SUPT3H: variants seen among roughly 807,000 people sequenced by gnomAD.
SUPT3H encodes the protein transcription initiation protein SPT3 homolog.
Under a neutral mutation model 44.3 loss-of-function variants are expected in SUPT3H, and 44 were observed. That is an observed-to-expected ratio of 0.99 (90% confidence interval 0.78 to 1.28). SUPT3H has a LOEUF of 1.28. Among genes scored for constraint, SUPT3H ranks in the 50% most tolerant of loss-of-function variants. The probability of loss-of-function intolerance (pLI) is 0.00; values close to 1 mark genes in which losing one functional copy is unlikely to be tolerated. For synonymous variants in SUPT3H, 124 were observed against 125.6 expected, an observed-to-expected ratio of 0.99 and a Z score of 0.09; for missense variants, 380 against 387.1, an observed-to-expected ratio of 0.98 and a Z score of 0.15.
At chr6:45,140,020 T>G (rs1042676026) in intron 2 of SUPT3H, among the ~76,000 whole-genome samples, 9 of 152,030 alleles carry the variant, frequency 5.9e-5, no homozygotes, top group African/African-American at 1.9e-4. Context: ...TGGGGCAAGG[T>G]CTGAGCGGGG....
At chr6:45,078,826 A>T (rs1374728279) in intron 3 of SUPT3H, among the ~76,000 whole-genome samples, 1 of 152,156 alleles carries the variant, frequency 6.6e-6, no homozygotes, top group East Asian at 1.9e-4. Context: ...GTCTAATGGA[A>T]ATTCCCTTAT....
At chr6:45,280,930 T>C (rs1424874670) in intron 2 of SUPT3H, among the ~76,000 whole-genome samples, 1 of 152,164 alleles carries the variant, frequency 6.6e-6, no homozygotes, top group Non-Finnish European at 1.5e-5. Flanking sequence ...GTAATGTCCA[T>C]AAAAAACATA....
chr6:45,214,015 C>CAAAAAAAAAA (rs11418358), intron 2 of SUPT3H, among the ~76,000 whole-genome samples: 8 of 74,098 alleles, frequency 1.1e-4, no homozygotes, highest in East Asian at 4.8e-4. Context: ...TTTTGAAATG[C>CAAAAAAAAAA]AAAAAAAAAA....
intron 10 of SUPT3H, among the ~76,000 whole-genome samples, chr6:44,877,785 T>C (rs982610487): frequency 1.3e-4 from 20 of 152,200 alleles, no homozygotes; most frequent in Non-Finnish European, 2.4e-4. Context: ...ATTGTTTTCA[T>C]AGAATTCCAT....
intron 2 of SUPT3H, among the ~76,000 whole-genome samples, chr6:45,277,626 G>T (rs559520869): frequency 9.3e-4 from 142 of 152,108 alleles, no homozygotes; most frequent in African/African-American, 3.0e-3. Flanking sequence ...TACCCTATAG[G>T]GACTCAGAAG....
chr6:45,149,147 T>C (rs1029675735), intron 2 of SUPT3H, among the ~76,000 whole-genome samples: 3 of 152,180 alleles, frequency 2.0e-5, no homozygotes, highest in Non-Finnish European at 2.9e-5. Flanking sequence ...GTGACAAATA[T>C]GCATTGGTAT....
chr6:45,110,634 CAT>C (rs1799922889), intron 2 of SUPT3H, among the ~76,000 whole-genome samples: 1 of 152,048 alleles, frequency 6.6e-6, no homozygotes, highest in Admixed American at 6.5e-5. Context: ...GTTGAATCCA[CAT>C]GTGACATCTT....
At chr6:45,204,674 T>G (rs1037083032) in intron 2 of SUPT3H, among the ~76,000 whole-genome samples, 5 of 152,198 alleles carry the variant, frequency 3.3e-5, no homozygotes, top group African/African-American at 1.2e-4. Context: ...CTGAAAAATT[T>G]CCAAATCTTG....
At chr6:45,026,392 T>C (rs1786004713) in intron 3 of SUPT3H, among the ~76,000 whole-genome samples, 1 of 150,160 alleles carries the variant, frequency 6.7e-6, no homozygotes, top group Non-Finnish European at 1.5e-5. Context: ...TATGTTTCTC[T>C]TTTATTTGAA....
intron 6 of SUPT3H, among the ~76,000 whole-genome samples, chr6:44,984,337 A>C (rs1779488410): frequency 1.3e-5 from 2 of 152,196 alleles, no homozygotes; most frequent in South Asian, 4.1e-4. Context: ...AGCATAGCTC[A>C]ACAAGGAGAG....
intron 2 of SUPT3H, among the ~76,000 whole-genome samples, chr6:45,234,028 C>A (rs986653591): frequency 1.3e-5 from 2 of 152,102 alleles, no homozygotes; most frequent in Non-Finnish European, 2.9e-5. Flanking sequence ...CTAGTCCTTG[C>A]AAGGTATTTG....
intron 2 of SUPT3H, among the ~76,000 whole-genome samples, chr6:45,233,734 C>G (rs1225484011): frequency 1.3e-5 from 2 of 152,150 alleles, no homozygotes; most frequent in African/African-American, 4.8e-5. Flanking sequence ...AATTTTAGCT[C>G]TTCTTTCTGG....
chr6:45,018,683 A>C (rs569272799), intron 4 of SUPT3H, among the ~76,000 whole-genome samples: 19 of 152,166 alleles, frequency 1.2e-4, no homozygotes, highest in African/African-American at 2.6e-4. Flanking sequence ...AGCCTTGCAT[A>C]CCATGGATGA....
chr6:44,836,394 T>C lies in SUPT3H; in HGVS notation c.913-6537A>G, dbSNP rs543547551. 6.3e-4 allele frequency among the ~76,000 whole-genome samples: 96 copies of C among 152,316 alleles called. 1 individual carries two copies. Among genetic ancestry groups the C allele is most frequent in the East Asian group, 3.9e-4 (2 of 5,192 alleles). ...TCCTGTCAGAAGCAGAGCCCTGATT[T>C]AACAACAGTGGAGGGAGCCCTGCCC... On this transcript the variant is annotated intron_variant, in intron 10 of 10. Transcript: ENST00000371459.
chr6:45,324,245 A>C (rs895188856), intron 2 of SUPT3H, among the ~76,000 whole-genome samples: 6 of 152,018 alleles, frequency 3.9e-5, no homozygotes, highest in Non-Finnish European at 5.9e-5. Context: ...AAAGAAAAAA[A>C]AGTAATCCTC....
rs145941235 is a variant in SUPT3H, at chr6:45,134,918, C to G, written c.102-28912G>C. 3.4e-4 allele frequency among the ~76,000 whole-genome samples: 52 copies of G among 152,280 alleles called. No homozygotes were observed. In the East Asian group the frequency reaches 9.1e-3, roughly 27 times the overall value. Reference sequence around the variant, plus strand: ...ACTCTCTGTGGCAGCTCTACCCCTACAGCAGGTTTTTTCTGGGACCTCCAG... The same window carrying G: ...ACTCTCTGTGGCAGCTCTACCCCTAGAGCAGGTTTTTTCTGGGACCTCCAG... On this transcript the variant is annotated intron_variant, in intron 2 of 10. Transcript: ENST00000371459.
chr6:45,209,737 T>G (rs1228814706), intron 2 of SUPT3H, among the ~76,000 whole-genome samples: 1 of 152,246 alleles, frequency 6.6e-6, no homozygotes, highest in Non-Finnish European at 1.5e-5. Flanking sequence ...TTGAGAGAAC[T>G]GAATCCAATT....
downstream of SUPT3H, among the ~76,000 whole-genome samples, chr6:44,824,948 A>G (rs1767629681): frequency 6.6e-6 from 1 of 152,228 alleles, no homozygotes; most frequent in South Asian, 2.1e-4. Flanking sequence ...AGCCTTTAAA[A>G]GGGTCATTTA....
chr6:45,012,107 T>C (rs1783574316), intron 5 of SUPT3H, among the ~76,000 whole-genome samples: 1 of 151,820 alleles, frequency 6.6e-6, no homozygotes, highest in African/African-American at 2.4e-5. Flanking sequence ...GTTTTTTTTT[T>C]TCCCACATTT....
Sources: gnomAD v4.1 joint callset for allele counts (sites outside exome capture counted in the v4.1 genomes callset) on GRCh38, gnomAD v4.1.1 for gene constraint, MANE v1.5 for transcripts, NCBI Gene and HGNC (gene_info 2026-07-23, HGNC 2026-07-21) for gene names.